Variants in FSTL5 observed in about 807,000 individuals in gnomAD.
The protein encoded by FSTL5 is follistatin like 5, also known as follistatin-related protein 5.
FSTL5 carries 62 observed loss-of-function variants against 89.1 expected under a neutral mutation model. That is an observed-to-expected ratio of 0.70 (90% CI 0.57 to 0.86). FSTL5 has a LOEUF of 0.86. FSTL5 is among the 40% of genes least tolerant of loss of function. The probability of loss-of-function intolerance (pLI) is 0.00; values close to 1 mark genes in which losing one functional copy is unlikely to be tolerated. For missense variants in FSTL5, 1,057 were observed against 1,001.6 expected (o/e 1.06, Z -0.75); for synonymous variants, 383 against 346.2 (o/e 1.11, Z -1.18).
intron 3 of FSTL5, among the ~76,000 whole-genome samples, chr4:161,948,561 C>T (rs1217232698): frequency 7.1e-6 from 1 of 140,090 alleles, no homozygotes; most frequent in African/African-American, 2.7e-5. Context: ...CGTTCTCCTG[C>T]CTCAGCCTCC....
intron 4 of FSTL5, among the ~76,000 whole-genome samples, chr4:161,904,461 A>G (rs540054755): frequency 6.6e-6 from 1 of 152,148 alleles, no homozygotes; most frequent in South Asian, 2.1e-4. Flanking sequence ...AAATTATCCA[A>G]TAAATTTATT....
chr4:161,712,939 G>T (rs1204373328), intron 6 of FSTL5, among the ~76,000 whole-genome samples: 4 of 152,150 alleles, frequency 2.6e-5, no homozygotes, highest in Non-Finnish European at 5.9e-5. Context: ...AAGACTAGCA[G>T]ATGCTGGTGT....
chr4:161,627,446 T>C (rs1332818265), intron 7 of FSTL5, among the ~76,000 whole-genome samples: 1 of 152,210 alleles, frequency 6.6e-6, no homozygotes, highest in East Asian at 1.9e-4. Flanking sequence ...AGTATAAATA[T>C]AACTTTTATA....
chr4:161,682,629 C>T (rs1271537672), intron 6 of FSTL5, among the ~76,000 whole-genome samples: 1 of 152,106 alleles, frequency 6.6e-6, no homozygotes, highest in Non-Finnish European at 1.5e-5. Context: ...ATGTTCACAT[C>T]TTGTCCCACT....
chr4:162,128,110 G>C (rs994212495), intron 1 of FSTL5, among the ~76,000 whole-genome samples: 1 of 37,484 alleles, frequency 2.7e-5, no homozygotes, highest in Non-Finnish European at 8.0e-5. Context: ...AGAATTTATA[G>C]AGTCCAAAGA....
intron 8 of FSTL5, among the ~76,000 whole-genome samples, chr4:161,579,731 C>CAA (rs33926609): frequency 0.31 from 30,454 of 98,548 alleles, 3,497 homozygotes; most frequent in Non-Finnish European, 0.39. Context: ...CAAAAACAAA[C>CAA]AAAAAAAAAA....
At chr4:161,721,084 C>T (rs912289472) in intron 6 of FSTL5, among the ~76,000 whole-genome samples, 38 of 151,768 alleles carry the variant, frequency 2.5e-4, no homozygotes, top group African/African-American at 8.9e-4. Context: ...CGAGACCATC[C>T]TGGCTAACAA....
chr4:161,990,727 C>T (rs77765307), intron 3 of FSTL5, among the ~76,000 whole-genome samples: 1 of 151,902 alleles, frequency 6.6e-6, no homozygotes, highest in South Asian at 2.1e-4. Flanking sequence ...TGGTGGTTTT[C>T]GGGTAGACAT....
chr4:161,885,885 C>T (rs1732792239), intron 4 of FSTL5, among the ~76,000 whole-genome samples: 1 of 152,020 alleles, frequency 6.6e-6, no homozygotes, highest in South Asian at 2.1e-4. Context: ...AGATAGACAA[C>T]TGGCAAAACT....
intron 15 of FSTL5, among the ~76,000 whole-genome samples, chr4:161,388,809 A>T (rs957486341): frequency 6.6e-6 from 1 of 152,084 alleles, no homozygotes; most frequent in African/African-American, 2.4e-5. Flanking sequence ...TCAAATGCTA[A>T]TGAGGAAGAA....
chr4:161,994,585 G>A (rs746319683), intron 3 of FSTL5, among the ~76,000 whole-genome samples: 2 of 152,154 alleles, frequency 1.3e-5, no homozygotes, highest in Non-Finnish European at 2.9e-5. Context: ...TGACTGATAT[G>A]AGATGACATC....
intron 15 of FSTL5, among the ~76,000 whole-genome samples, chr4:161,412,729 T>A (rs2110941065): frequency 6.6e-6 from 1 of 152,188 alleles, no homozygotes; most frequent in Middle Eastern, 3.4e-3. Context: ...CATAGATCAA[T>A]GGAACACAAC....
At chr4:161,922,991 T>TA in intron 3 of FSTL5, among the ~76,000 whole-genome samples, 1 of 151,974 alleles carries the variant, frequency 6.6e-6, no homozygotes, top group Non-Finnish European at 1.5e-5. Flanking sequence ...AACTTATTAG[T>TA]AAGTAAACAA....
intron 4 of FSTL5, among the ~76,000 whole-genome samples, chr4:161,821,583 C>T (rs1730495788): frequency 6.6e-6 from 1 of 152,238 alleles, no homozygotes; most frequent in Non-Finnish European, 1.5e-5. Flanking sequence ...CACACTTACC[C>T]CCAAATCCCT....
At chr4:161,660,050 G>A (rs11937357) in intron 6 of FSTL5, among the ~76,000 whole-genome samples, 3,228 of 152,186 alleles carry the variant, frequency 0.021, 125 homozygotes, top group African/African-American at 0.073. Flanking sequence ...CGAGTGTTTT[G>A]ACACACTTCA....
At chr4:161,968,969 GCACA>G (rs34014344) in intron 3 of FSTL5, among the ~76,000 whole-genome samples, 38 of 146,872 alleles carry the variant, frequency 2.6e-4, no homozygotes, top group South Asian at 8.8e-4. Flanking sequence ...ACTCACATAA[GCACA>G]CACACACACA....
intron 2 of FSTL5, among the ~76,000 whole-genome samples, chr4:162,071,413 T>C (rs1228641788): frequency 1.3e-5 from 2 of 151,692 alleles, no homozygotes; most frequent in Non-Finnish European, 2.9e-5. Flanking sequence ...TATTATATAA[T>C]AATATAGGAA....
At chr4:162,034,346 T>A (rs1182733430) in intron 2 of FSTL5, among the ~76,000 whole-genome samples, 1 of 152,102 alleles carries the variant, frequency 6.6e-6, no homozygotes, top group Non-Finnish European at 1.5e-5. Context: ...AGGAATAAGT[T>A]TAGGCACAAA....
chr4:161,508,500 A>G (rs892870754), intron 11 of FSTL5, among the ~76,000 whole-genome samples: 1 of 152,162 alleles, frequency 6.6e-6, no homozygotes, highest in Non-Finnish European at 1.5e-5. Context: ...CGTGATGCAT[A>G]AGAACATTAT....
Sources: allele counts gnomAD v4.1 joint callset (sites outside exome capture counted in the v4.1 genomes callset), GRCh38; gene constraint gnomAD v4.1.1; transcripts MANE v1.5; gene names NCBI Gene and HGNC (gene_info 2026-07-23, HGNC 2026-07-21).